INTS10: variants seen among roughly 807,000 people sequenced by gnomAD.
INTS10 encodes the protein chromosome 8 open reading frame 35.
A neutral mutation model predicts 94.4 loss-of-function variants in INTS10; 44 were observed. The ratio of observed to expected loss-of-function variants is 0.47; its 90% confidence interval spans 0.37 to 0.60. The LOEUF (loss-of-function observed/expected upper bound fraction) is 0.60, where lower values mean the gene tolerates loss of function less well. INTS10 is among the 20% of genes least tolerant of loss of function. The probability of loss-of-function intolerance (pLI) is 0.00; values close to 1 mark genes in which losing one functional copy is unlikely to be tolerated. For synonymous variants in INTS10, 341 were observed against 320.7 expected (o/e 1.06, Z -0.68); for missense variants, 797 against 868.7 (o/e 0.92, Z 1.04).
intron 9 of INTS10, among the ~76,000 whole-genome samples, chr8:19,828,226 T>G (rs1160749237): frequency 6.6e-6 from 1 of 152,016 alleles, no homozygotes; most frequent in Non-Finnish European, 1.5e-5. Context: ...AATAAAAAAA[T>G]AAAATAGAAA....
intron 12 of INTS10, 91 bp downstream of exon 12, chr8:19,833,412 G>A (rs1269610277): frequency 1.6e-5 from 14 of 867,854 alleles, no homozygotes; most frequent in East Asian, 9.8e-5. Context: ...TTCAGTGCAC[G>A]TTTATTTCAA....
chr8:19,818,163 A>C (rs1259132861), intron 1 of INTS10, 112 bp from the exon 2 acceptor site: 2 of 997,672 alleles, frequency 2.0e-6, no homozygotes, highest in Non-Finnish European at 3.2e-6. Flanking sequence ...CACCAGGCGG[A>C]GCTTCACTCT....
At position 19,851,932 on chromosome 8, in the gene INTS10, C is replaced by G. The variant is rs2069069385; in HGVS notation, c.*127C>G. The G allele has an allele frequency of 2.7e-6, 2 of 736,832 alleles. No homozygotes were observed. The highest frequency in any genetic ancestry group is 4.7e-5 in the South Asian group (2 of 42,662). The allele number at this position is 736,832 out of a possible 1,614,324, so 45.6% of individuals were successfully genotyped here. A position where few individuals can be genotyped will look rare whatever the true frequency, so the allele number is the denominator to read the frequency against. ...TACAAAGAAGAAAACCATCTGAGTTCTAACTCCTTGGTTGCTTAAAAGTAG... is the reference window on the plus strand; with the variant it reads ...TACAAAGAAGAAAACCATCTGAGTTGTAACTCCTTGGTTGCTTAAAAGTAG... On this transcript the variant is annotated 3_prime_UTR_variant, in exon 17 of 17. Coordinates refer to ENST00000397977, the MANE Select transcript of INTS10 (RefSeq NM_018142.4). The surrounding 1 kb of genome is among the most constrained non-coding windows in gnomAD (Gnocchi z 5.0).
At chr8:19,840,903 T>C (rs1312998328) in intron 13 of INTS10, among the ~76,000 whole-genome samples, 1 of 152,214 alleles carries the variant, frequency 6.6e-6, no homozygotes, top group Non-Finnish European at 1.5e-5. Flanking sequence ...TATAATTAGG[T>C]AATGACATGT....
intron 13 of INTS10, chr8:19,837,399 A>C (rs1410807765): frequency 4.6e-6 from 2 of 430,466 alleles, no homozygotes; most frequent in Non-Finnish European, 8.4e-6. Flanking sequence ...TCCTAATGAG[A>C]TAATACTGCT....
intron 16 of INTS10, among the ~76,000 whole-genome samples, chr8:19,848,015 A>T (rs1167303280): frequency 6.6e-6 from 1 of 152,186 alleles, no homozygotes; most frequent in Non-Finnish European, 1.5e-5. Context: ...TAGTGATCTG[A>T]CCTCGTAGGG....
chr8:19,842,137 T>G (rs1477358323), intron 13 of INTS10, among the ~76,000 whole-genome samples: 1 of 152,242 alleles, frequency 6.6e-6, no homozygotes, highest in Admixed American at 6.5e-5. Context: ...AGAATGTATA[T>G]TTATCATTGT....
Position 19,817,664 on chromosome 8 carries a change from C to T in INTS10, c.127C>T (p.Gln43Ter), listed in dbSNP as rs1299870057. 1.9e-6 allele frequency: 3 copies of T among 1,605,564 alleles called. No individual in the cohort carries two copies. Among genetic ancestry groups the T allele is most frequent in the African/African-American group, 1.3e-5 (1 of 74,736 alleles). The change falls in exon 1 of 17, where the codon CAG (glutamine) becomes TAG (stop). Residue 43 changes from glutamine (Q) to a stop codon, truncating the protein, a stop_gained and splice_region_variant. Transcript: ENST00000397977. LOFTEE classifies it high-confidence loss of function. ...CCTCTACCCGGCAGACTTTAACATC[C>T]AGGTGAGGTCCCGGCTGTGCATGCG... ...RSLYPADFNIQYEMYTIERNA... is the reference protein window; with the variant it reads ...RSLYPADFNI
rs1436832396 is a variant in INTS10 at position 19,851,422 on chromosome 8, T to G, written c.1977-227T>G. Among the ~76,000 whole-genome samples the G allele has an allele frequency of 1.3e-5, 2 of 152,250 alleles. No individual in the cohort carries two copies. The highest frequency in any genetic ancestry group is 4.8e-5 in the African/African-American group (2 of 41,472). The stretch of plus-strand genomic sequence containing the variant: ...GCATTTTACTGAACAATTAAATGTT[T>G]GAAGTAACCTTTTATAGAGTGAGAA... On this transcript the variant is annotated intron_variant, in intron 16 of 16. Transcript: ENST00000397977. The surrounding 1 kb of genome is among the most constrained non-coding windows in gnomAD (Gnocchi z 5.0).
chr8:19,819,191 A>C (rs2066175204), intron 2 of INTS10, among the ~76,000 whole-genome samples: 1 of 151,972 alleles, frequency 6.6e-6, no homozygotes, highest in Non-Finnish European at 1.5e-5. Context: ...TGCTATTTTA[A>C]AAAAAAATTT....
chr8:19,822,543 T>G (rs749270240), intron 5 of INTS10, 23 bp downstream of exon 5: 4 of 1,387,500 alleles, frequency 2.9e-6, no homozygotes, highest in Non-Finnish European at 4.1e-6. Flanking sequence ...GTATTCTCTA[T>G]TACTTCTATG....
chr8:19,851,858 ACACT>A lies in INTS10; in HGVS notation c.*56_*59del. ...CGGGCCTGTGTAATTGTAGGAGAAG[ACACT>A]CAGCAGTGATTGCCATGGCACAGAG... On this transcript the variant is annotated 3_prime_UTR_variant, in exon 17 of 17. Transcript: ENST00000397977. The surrounding 1 kb of genome is among the most constrained non-coding windows in gnomAD (Gnocchi z 5.0). 1 of 1,531,658 alleles carries A rather than the reference ACACT, an allele frequency of 6.5e-7. No individual in the cohort carries two copies. The highest frequency in any genetic ancestry group is 1.1e-5 in the South Asian group (1 of 88,446). The allele number at this position is 1,531,658 out of a possible 1,614,324, so 94.9% of individuals were successfully genotyped here.
rs985252457 is a variant in INTS10 at position 19,831,094 on chromosome 8, G to A, written c.1294+535G>A. 2.0e-5 allele frequency among the ~76,000 whole-genome samples: 3 copies of A among 152,186 alleles called. No individual in the cohort carries two copies. The South Asian group carries it at 6.2e-4, about 31-fold the overall frequency. On this transcript the variant is annotated intron_variant, in intron 10 of 16. Transcript: ENST00000397977. ...TGACATTGCTTAGAAATCACTAGCT[G>A]TTTGCTAACTAAGGTATTCTTACTA...
chr8:19,833,026 G>T lies in INTS10; in HGVS notation c.1378-143G>T, dbSNP rs76155424. ...GATTTGATTCTATTGCCAATTCTCC[G>T]TTTCTTCCTCAGATGATCAAACCAA... is the stretch of plus-strand genomic sequence containing the variant. On this transcript the variant is annotated intron_variant, in intron 11 of 16. Coordinates refer to ENST00000397977, the MANE Select transcript of INTS10 (RefSeq NM_018142.4). 6.5e-4 allele frequency: 363 copies of T among 560,706 alleles called. No individual in the cohort carries two copies. The African/African-American group carries it at 6.5e-3, about 10-fold the overall frequency. 34.7% of individuals were successfully genotyped at this position (560,706 alleles called of 1,614,324 possible).
intron 9 of INTS10, among the ~76,000 whole-genome samples, chr8:19,827,150 G>C (rs755553910): frequency 3.9e-5 from 6 of 152,174 alleles, no homozygotes; most frequent in Non-Finnish European, 7.3e-5. Context: ...GATGCAAGAA[G>C]CCCGAGAATG....
rs750663243 is a variant in INTS10 at position 19,817,742 on chromosome 8, A to AGCT, written c.129+79_129+81dup. The AGCT allele has an allele frequency of 1.3e-3, 2,047 of 1,522,420 alleles. 4 individuals are homozygous for AGCT. Among genetic ancestry groups the AGCT allele is most frequent in the Non-Finnish European group, 1.6e-3 (1,853 of 1,130,066 alleles). The allele number at this position is 1,522,420 out of a possible 1,614,324, so 94.3% of individuals were successfully genotyped here. A position where few individuals can be genotyped will look rare whatever the true frequency, so the allele number is the denominator to read the frequency against. The stretch of plus-strand genomic sequence containing the variant: ...CGTCGCCCGGGCTGCCCTGGCCCAG[A>AGCT]GCTGCGCCTGCCTGGGGGCTGCCGC... On this transcript the variant is annotated intron_variant, in intron 1 of 16. Transcript: ENST00000397977.
intron 8 of INTS10, 45 bp downstream of exon 8, chr8:19,825,017 G>T: frequency 1.3e-6 from 2 of 1,500,812 alleles, no homozygotes; most frequent in Non-Finnish European, 1.9e-6. Flanking sequence ...AGTTCATACT[G>T]TGGGGATGGT....
chr8:19,818,123 G>A (rs1347065765), intron 1 of INTS10, 152 bp from the exon 2 acceptor site: 1 of 747,040 alleles, frequency 1.3e-6, no homozygotes, highest in Admixed American at 2.0e-5. Context: ...TAAGCCCAAT[G>A]GCAAGTCTGC....
chr8:19,818,963 GT>G (rs1269307918), intron 2 of INTS10: 5 of 152,436 alleles, frequency 3.3e-5, no homozygotes, highest in African/African-American at 1.2e-4. Context: ...ATATTTTGGT[GT>G]TTTTCTGTGG....
Sources: gnomAD v4.1 joint callset for allele counts (sites outside exome capture counted in the v4.1 genomes callset) on GRCh38, gnomAD v4.1.1 for gene constraint, Gnocchi (gnomAD v3.1) non-coding constraint, MANE v1.5 for transcripts, NCBI Gene and HGNC (gene_info 2026-07-23, HGNC 2026-07-21) for gene names.